The following NUMA1 variants were observed in gnomAD, a reference collection of about 807,000 sequenced individuals.
The protein encoded by NUMA1 is SP-H antigen.
A neutral mutation model predicts 237.1 loss-of-function variants in NUMA1; 62 were observed. The observed-to-expected ratio is 0.26, with a 90% CI of 0.21 to 0.32. The LOEUF is 0.32. Ranked by LOEUF, NUMA1 falls within the 10% of genes least tolerant of loss-of-function variation. NUMA1 has a pLI of 1.00. For synonymous variants in NUMA1, 1,028 were observed against 1,066.1 expected, an observed-to-expected ratio of 0.96 and a Z score of 0.70; for missense variants, 2,533 against 2,666.5, an observed-to-expected ratio of 0.95 and a Z score of 1.10.
chr11:72,016,435 C>G lies in NUMA1; in HGVS notation c.1215G>C (p.Lys405Asn). ...SQLQDNPPQE[K>N]GEVLGDVLQL... is the part of the protein sequence containing the mutation. ...GCAAGACATCACCCAGCACCTCGCC[C>G]TTCTCCTGGGGTGGGTTATCCTGCA... The change falls in exon 14 of 27, where the codon AAG becomes AAC. Residue 405 changes from lysine (K) to asparagine (N), a missense_variant. Physicochemically the swap from Lys to Asn is moderately conservative, Grantham distance 94 (BLOSUM62 0). Coordinates refer to ENST00000393695, the MANE Select transcript of NUMA1 (RefSeq NM_006185.4). The G allele has an allele frequency of 6.2e-7, 1 of 1,614,134 alleles. No individual in the cohort carries two copies.
chr11:72,003,475 G>A lies in NUMA1; in HGVS notation c.*52C>T. 1 of 1,582,990 alleles carries A rather than the reference G, an allele frequency of 6.3e-7. No individual in the cohort carries two copies. On this transcript the variant is annotated 3_prime_UTR_variant, in exon 27 of 27. Transcript: ENST00000393695. ...GAGAGGGACAGTAGGCGGAGGACCA[G>A]GTGAGGTCAGCATCGGGGACACAGG...
chr11:72,048,611 G>A (rs961841615), intron 2 of NUMA1, among the ~76,000 whole-genome samples: 1 of 152,136 alleles, frequency 6.6e-6, no homozygotes, highest in Non-Finnish European at 1.5e-5. Flanking sequence ...TACCTCAGGT[G>A]ATCCACCTGC....
At chr11:72,042,088 G>GT (rs1414641146) in intron 2 of NUMA1, 1 of 152,318 alleles carries the variant, frequency 6.6e-6, no homozygotes, top group African/African-American at 2.4e-5. Context: ...GCCCTTAACA[G>GT]ACGCAGGCAC....
At position 72,003,492 on chromosome 11, in the gene NUMA1, G is replaced by A; in HGVS notation, c.*35C>T. On this transcript the variant is annotated 3_prime_UTR_variant, in exon 27 of 27. Transcript: ENST00000393695. ...GAGGACCAGGTGAGGTCAGCATCGG[G>A]GACACAGGTGGGGCCACTCACTGGT... is the stretch of plus-strand genomic sequence containing the variant. The A allele has an allele frequency of 6.2e-7, 1 of 1,610,172 alleles. No homozygotes were observed. Among genetic ancestry groups the A allele is most frequent in the South Asian group, 1.1e-5 (1 of 91,006 alleles).
chr11:72,060,158 A>G (rs971415812), intron 2 of NUMA1, among the ~76,000 whole-genome samples: 1 of 152,166 alleles, frequency 6.6e-6, no homozygotes, highest in African/African-American at 2.4e-5. Context: ...CCCTACCAGC[A>G]GCCAGCAAAC....
At chr11:72,021,659 G>A (rs1265132274) in intron 7 of NUMA1, among the ~76,000 whole-genome samples, 1 of 152,222 alleles carries the variant, frequency 6.6e-6, no homozygotes, top group African/African-American at 2.4e-5. Flanking sequence ...CCAGGCTGGA[G>A]TACAGTGGCA....
intron 2 of NUMA1, among the ~76,000 whole-genome samples, chr11:72,058,261 G>A (rs1401429687): frequency 6.6e-6 from 1 of 152,060 alleles, no homozygotes; most frequent in African/African-American, 2.4e-5. Context: ...ATGAGAAATG[G>A]TAACATATTT....
intron 22 of NUMA1, 116 bp downstream of exon 22, chr11:72,005,919 G>A (rs548068931): frequency 1.2e-6 from 1 of 849,574 alleles, no homozygotes; most frequent in South Asian, 1.7e-5. Flanking sequence ...AGGTGGAGCT[G>A]GATGGTAGCA....
chr11:72,024,030 C>T (rs1939242225), intron 5 of NUMA1: 2 of 441,864 alleles, frequency 4.5e-6, no homozygotes, highest in Admixed American at 7.8e-5. Context: ...AAAAAGTAAC[C>T]TTCTGGCTCC....
intron 2 of NUMA1, among the ~76,000 whole-genome samples, chr11:72,052,275 C>T (rs1942406699): frequency 6.6e-6 from 1 of 152,136 alleles, no homozygotes; most frequent in South Asian, 2.1e-4. Flanking sequence ...GAGGGACTAA[C>T]TCAGGATGGG....
At chr11:72,063,375 C>A (rs983282018) in intron 2 of NUMA1, among the ~76,000 whole-genome samples, 1 of 150,980 alleles carries the variant, frequency 6.6e-6, no homozygotes, top group Non-Finnish European at 1.5e-5. Context: ...CAGAGTGAGA[C>A]CCTGTCTCAA....
intron 2 of NUMA1, among the ~76,000 whole-genome samples, chr11:72,045,642 C>T (rs1273160540): frequency 1.3e-5 from 2 of 152,064 alleles, no homozygotes; most frequent in South Asian, 2.1e-4. Flanking sequence ...CCACGCCTGA[C>T]TAATTTTTGT....
At chr11:72,024,244 T>A in intron 5 of NUMA1, 30 bp downstream of exon 5, 1 of 1,605,758 alleles carries the variant, frequency 6.2e-7, no homozygotes. Flanking sequence ...GGAAGCAGCT[T>A]CTTCATAGCT....
chr11:72,072,275 G>A (rs898691967), intron 1 of NUMA1: 1 of 154,550 alleles, frequency 6.5e-6, no homozygotes, highest in Admixed American at 6.6e-5. Flanking sequence ...CAAGAGTTGA[G>A]GTCACATTGC....
At position 72,063,391 on chromosome 11, in the gene NUMA1, A is replaced by G. The variant is rs140551857; in HGVS notation, c.-33+6451T>C. Among the ~76,000 whole-genome samples the G allele has an allele frequency of 7.9e-3, 1,204 of 152,016 alleles. 9 individuals are homozygous for G. Among genetic ancestry groups the G allele is most frequent in the Middle Eastern group, 0.014 (4 of 294 alleles). ...AGAGTGAGACCCTGTCTCAAAACAAAGAAACAAAGAAACAAAAATGTTCAT... is the reference window on the plus strand; with the variant it reads ...AGAGTGAGACCCTGTCTCAAAACAAGGAAACAAAGAAACAAAAATGTTCAT... On this transcript the variant is annotated intron_variant, in intron 2 of 26. Coordinates refer to ENST00000393695, the MANE Select transcript of NUMA1 (RefSeq NM_006185.4).
intron 7 of NUMA1, 83 bp from the exon 8 acceptor site, chr11:72,021,374 C>T: frequency 8.0e-7 from 1 of 1,245,662 alleles, no homozygotes; most frequent in Non-Finnish European, 1.2e-6. Context: ...CCTGGCAGTG[C>T]CAGTCCCCGG....
In NUMA1 at chr11:72,014,448, C is replaced by T. The variant is rs1364285009; in HGVS notation, c.3055G>A (p.Asp1019Asn). The T allele has an allele frequency of 6.2e-7, 1 of 1,605,500 alleles. No homozygotes were observed. The highest frequency in any genetic ancestry group is 1.1e-5 in the South Asian group (1 of 91,080). ...LTQERGRAQADLALEKAARAE... is the reference protein window; with the variant it reads ...LTQERGRAQANLALEKAARAE... Reference sequence around the variant, plus strand: ...CTGGCCGCCTTCTCCAGGGCAAGGTCAGCCTGGGCACGGCCCCGCTCCTGG... The same window carrying T: ...CTGGCCGCCTTCTCCAGGGCAAGGTTAGCCTGGGCACGGCCCCGCTCCTGG... The change falls in exon 15 of 27, where the codon GAC (aspartate) becomes AAC (asparagine). Residue 1019 changes from aspartate (D) to asparagine (N), a missense_variant. Physicochemically the swap from Asp to Asn is conservative, Grantham distance 23. Coordinates refer to ENST00000393695, the MANE Select transcript of NUMA1 (RefSeq NM_006185.4). This position sits in a 1 kb window ranked among gnomAD's most constrained non-coding sequence, Gnocchi z 4.6.
chr11:72,009,314 G>A lies in NUMA1; in HGVS notation c.4793C>T (p.Ala1598Val). 1.9e-6 allele frequency: 3 copies of A among 1,613,538 alleles called. No individual in the cohort carries two copies. The highest frequency in any genetic ancestry group is 1.3e-5 in the African/African-American group (1 of 75,046). Reference sequence around the variant, plus strand: ...TGCCTGCTCCTTCTGGCTCAACTGGGCTTGCAGTTCATTCAGCTGGGCCTG... The same window carrying A: ...TGCCTGCTCCTTCTGGCTCAACTGGACTTGCAGTTCATTCAGCTGGGCCTG... ...RLQAQLNELQ[A>V]QLSQKEQAAE... The change falls in exon 18 of 27, where the codon GCC (alanine) becomes GTC (valine). Residue 1598 changes from alanine (A) to valine (V), a missense_variant. Physicochemically the swap from Ala to Val is moderately conservative, Grantham distance 64. Coordinates refer to ENST00000393695, the MANE Select transcript of NUMA1 (RefSeq NM_006185.4).
intron 9 of NUMA1, 47 bp from the exon 10 acceptor site, chr11:72,019,027 G>A: frequency 6.2e-7 from 1 of 1,601,666 alleles, no homozygotes; most frequent in Non-Finnish European, 8.5e-7. Flanking sequence ...CCTAAGATCT[G>A]AAGCAATCAG....
Sources: gnomAD v4.1 joint callset for allele counts (sites outside exome capture counted in the v4.1 genomes callset) on GRCh38, gnomAD v4.1.1 for gene constraint, Gnocchi (gnomAD v3.1) non-coding constraint, MANE v1.5 for transcripts, NCBI Gene and HGNC (gene_info 2026-07-23, HGNC 2026-07-21) for gene names.